The following CNNM2 variants were observed in gnomAD, a reference collection of about 807,000 sequenced individuals.
CNNM2 encodes the protein cyclin and CBS domain divalent metal cation transport mediator 2.
In CNNM2, 12 loss-of-function variants were observed where a neutral mutation model predicts 66.9. The ratio of observed to expected loss-of-function variants is 0.18; its 90% CI spans 0.11 to 0.29. The LOEUF (loss-of-function observed/expected upper bound fraction) is 0.29, where lower values mean the gene tolerates loss of function less well. Among genes scored for constraint, CNNM2 ranks in the 10% least tolerant of loss-of-function variants. The probability of loss-of-function intolerance (pLI) is 1.00; values close to 1 mark genes in which losing one functional copy is unlikely to be tolerated. For synonymous variants in CNNM2, 557 were observed against 501.8 expected, an observed-to-expected ratio of 1.11 and a Z score of -1.47; for missense variants, 705 against 1,167.7, an observed-to-expected ratio of 0.60 and a Z score of 5.77.
Position 103,054,361 on chromosome 10 carries a change from C to T in CNNM2, c.1798C>T (p.Arg600Trp), listed in dbSNP as rs749627094. 4 of 1,613,818 alleles carry T rather than the reference C, an allele frequency of 2.5e-6. No individual in the cohort carries two copies. Among genetic ancestry groups the T allele is most frequent in the Admixed American group, 1.7e-5 (1 of 60,008 alleles). The change falls in exon 3 of 8, where the codon CGG becomes TGG. Residue 600 changes from arginine (R) to tryptophan (W), a missense_variant. Around this residue, in one of 9 missense-constraint regions of CNNM2, gnomAD observed 171 missense variants for 304.8 expected, o/e 0.56. Transcript: ENST00000369878. This position sits in a 1 kb window ranked among gnomAD's most constrained non-coding sequence, Gnocchi z 5.2. ...DNRTKKKVAH[R>W]ERKQDFSAFK... ...CAGAACGAAAAAGAAAGTGGCTCACCGGGAACGAAAGCAAGATTTTTCTGC... is the reference window on the plus strand; with the variant it reads ...CAGAACGAAAAAGAAAGTGGCTCACTGGGAACGAAAGCAAGATTTTTCTGC...
chr10:102,969,437 C>T (rs772919572), intron 1 of CNNM2, among the ~76,000 whole-genome samples: 12 of 151,816 alleles, frequency 7.9e-5, no homozygotes, highest in Admixed American at 1.3e-4. Context: ...TGGTCTCGAA[C>T]TCGTGACCTT....
intron 1 of CNNM2, among the ~76,000 whole-genome samples, chr10:103,006,032 G>A (rs1198297154): frequency 1.3e-5 from 2 of 152,136 alleles, no homozygotes; most frequent in African/African-American, 4.8e-5. Flanking sequence ...TGCAAATCAT[G>A]ACAGTTTAAT....
At chr10:102,923,130 C>CT (rs139229118) in intron 1 of CNNM2, among the ~76,000 whole-genome samples, 15 of 148,296 alleles carry the variant, frequency 1.0e-4, no homozygotes, top group East Asian at 2.0e-4. Context: ...TTTCTTCTTC[C>CT]TTTTTTTTTT....
chr10:102,957,863 A>G (rs1238001657), intron 1 of CNNM2, among the ~76,000 whole-genome samples: 2 of 152,232 alleles, frequency 1.3e-5, no homozygotes, highest in South Asian at 2.1e-4. Context: ...ATCACAATAT[A>G]GAATATAGTA....
At chr10:102,978,142 C>T (rs2063665750) in intron 1 of CNNM2, among the ~76,000 whole-genome samples, 1 of 151,830 alleles carries the variant, frequency 6.6e-6, no homozygotes, top group Non-Finnish European at 1.5e-5. Flanking sequence ...AACTCCTGAC[C>T]TCGTGATCCA....
At chr10:102,936,963 A>G (rs1412480433) in intron 1 of CNNM2, among the ~76,000 whole-genome samples, 1 of 152,180 alleles carries the variant, frequency 6.6e-6, no homozygotes, top group African/African-American at 2.4e-5. Flanking sequence ...GGAATATTTT[A>G]TCTATAGTGC....
intron 1 of CNNM2, among the ~76,000 whole-genome samples, chr10:102,948,175 G>C (rs1434306009): frequency 6.6e-6 from 1 of 152,168 alleles, no homozygotes; most frequent in Non-Finnish European, 1.5e-5. Flanking sequence ...ATGTCTTTTG[G>C]TGAACAAGAT....
intron 1 of CNNM2, among the ~76,000 whole-genome samples, chr10:102,985,179 CT>C (rs1265536685): frequency 3.3e-5 from 5 of 152,038 alleles, no homozygotes; most frequent in Non-Finnish European, 7.4e-5. Context: ...CTTGAGAATT[CT>C]AAATTGCTGC....
chr10:103,054,233 A>G lies in CNNM2; in HGVS notation c.1766-96A>G. On this transcript the variant is annotated intron_variant, in intron 2 of 7. Transcript: ENST00000369878. The surrounding 1 kb of genome is among the most constrained non-coding windows in gnomAD (Gnocchi z 5.2). ...GCGCCTGCATCTGGAAATACAGTCC[A>G]GCTCTTCCAATATATTTTGTCTTTT... 1.5e-6 allele frequency: 2 copies of G among 1,372,316 alleles called. No individual in the cohort carries two copies. Among genetic ancestry groups the G allele is most frequent in the Non-Finnish European group, 2.0e-6 (2 of 1,000,256 alleles). 85.0% of individuals were successfully genotyped at this position (1,372,316 alleles called of 1,614,324 possible).
intron 1 of CNNM2, among the ~76,000 whole-genome samples, chr10:102,946,256 A>G (rs1159246888): frequency 1.3e-5 from 2 of 152,186 alleles, no homozygotes; most frequent in African/African-American, 4.8e-5. Context: ...GGGTCAGAAC[A>G]TTTTAGTTGC....
chr10:103,085,411 T>G lies in CNNM2; in HGVS notation c.*8231T>G, dbSNP rs966635963. The G allele has an allele frequency of 2.0e-5, 3 of 150,170 alleles. No homozygotes were observed. Among genetic ancestry groups the G allele is most frequent in the African/African-American group, 7.6e-5 (3 of 39,554 alleles). 9.3% of individuals were successfully genotyped at this position (150,170 alleles called of 1,614,324 possible). A position where few individuals can be genotyped will look rare whatever the true frequency, so the allele number is the denominator to read the frequency against. ...GTGTGGGGAAGGTTTGCTTGGCAAA[T>G]CTTCTTTCCAAGTATCTCAAGAACT... On this transcript the variant is annotated 3_prime_UTR_variant, in exon 8 of 8. Transcript: ENST00000369878.
At chr10:102,926,763 T>C (rs1219293642) in intron 1 of CNNM2, among the ~76,000 whole-genome samples, 3 of 142,708 alleles carry the variant, frequency 2.1e-5, no homozygotes, top group Non-Finnish European at 4.5e-5. Flanking sequence ...TTGCCCAGGC[T>C]GGAGTGCAGT....
rs1387104828 is a variant in CNNM2 at position 103,083,119 on chromosome 10, T to G, written c.*5939T>G. ...GACTTTGATCCTCCTCAGCCTTTATTCACTGTATCATAGTGTACAGGTCAT... is the reference window on the plus strand; with the variant it reads ...GACTTTGATCCTCCTCAGCCTTTATGCACTGTATCATAGTGTACAGGTCAT... On this transcript the variant is annotated 3_prime_UTR_variant, in exon 8 of 8. Transcript: ENST00000369878. 6.6e-6 allele frequency: 1 copy of G among 152,214 alleles called. No homozygotes were observed. The highest frequency in any genetic ancestry group is 1.5e-5 in the Non-Finnish European group (1 of 68,040). 9.4% of individuals were successfully genotyped at this position (152,214 alleles called of 1,614,324 possible).
At position 103,020,875 on chromosome 10, in the gene CNNM2, G is replaced by A. The variant is rs942432688; in HGVS notation, c.1622-28832G>A. Among the ~76,000 whole-genome samples the A allele has an allele frequency of 1.2e-4, 19 of 152,164 alleles. No homozygotes were observed. Among genetic ancestry groups the A allele is most frequent in the Admixed American group, 1.0e-3 (16 of 15,268 alleles). On this transcript the variant is annotated intron_variant, in intron 1 of 7. Coordinates refer to ENST00000369878, the MANE Select transcript of CNNM2 (RefSeq NM_017649.5). ...GGTACTAACAGGAGGGATCTGTAAA[G>A]ATATAGGTATTGGCTGGAGAGGGGA...
At position 103,088,791 on chromosome 10, in the gene CNNM2, T is replaced by C. The variant is rs374535243; in HGVS notation, c.*11611T>C. On this transcript the variant is annotated 3_prime_UTR_variant, in exon 8 of 8. Coordinates refer to ENST00000369878, the MANE Select transcript of CNNM2 (RefSeq NM_017649.5). ...CTTCCCATCCTCTGATGTTCAATTT[T>C]AATATACAGCAATCAACTCTTAGAG... 1.7e-4 allele frequency: 31 copies of C among 184,710 alleles called. No individual in the cohort carries two copies. The East Asian group carries it at 2.1e-3, about 13-fold the overall frequency. 11.4% of individuals were successfully genotyped at this position (184,710 alleles called of 1,614,324 possible).
At chr10:102,951,040 T>A (rs1846810876) in intron 1 of CNNM2, among the ~76,000 whole-genome samples, 1 of 144,956 alleles carries the variant, frequency 6.9e-6, no homozygotes, top group Non-Finnish European at 1.5e-5. Context: ...CAGGCTTGAG[T>A]GCAGTGGTGT....
chr10:103,023,363 A>G (rs2064630670), intron 1 of CNNM2, among the ~76,000 whole-genome samples: 1 of 152,072 alleles, frequency 6.6e-6, no homozygotes, highest in Non-Finnish European at 1.5e-5. Flanking sequence ...GACCAGCCTA[A>G]CCAAAATGGT....
Position 103,089,277 on chromosome 10 carries a change from T to C in CNNM2, c.*12097T>C, listed in dbSNP as rs1157096906. ...CTGGAAAAGTTGGACCTTGGAGTAA[T>C]AGCACAATTTGTAACATTACAGATC... On this transcript the variant is annotated 3_prime_UTR_variant, in exon 8 of 8. Coordinates refer to ENST00000369878, the MANE Select transcript of CNNM2 (RefSeq NM_017649.5). 3.1e-5 allele frequency: 7 copies of C among 227,656 alleles called. No homozygotes were observed. The highest frequency in any genetic ancestry group is 1.3e-4 in the East Asian group (2 of 15,042). 14.1% of individuals were successfully genotyped at this position (227,656 alleles called of 1,614,324 possible). A position where few individuals can be genotyped will look rare whatever the true frequency, so the allele number is the denominator to read the frequency against.
intron 1 of CNNM2, among the ~76,000 whole-genome samples, chr10:103,034,959 C>G (rs1055134387): frequency 6.0e-5 from 5 of 83,662 alleles, no homozygotes; most frequent in South Asian, 7.1e-4. Context: ...GGCGACAGAG[C>G]GAGACTCCGT....
Sources: gnomAD v4.1 joint callset for allele counts (sites outside exome capture counted in the v4.1 genomes callset) on GRCh38, gnomAD v4.1.1 for gene constraint, gnomAD v4.1.1 regional missense constraint, Gnocchi (gnomAD v3.1) non-coding constraint, MANE v1.5 for transcripts, NCBI Gene and HGNC (gene_info 2026-07-23, HGNC 2026-07-21) for gene names.